ACVR1: variants seen among roughly 807,000 people sequenced by gnomAD.
ACVR1 encodes activin receptor type-1.
In ACVR1, 38 loss-of-function variants were observed where a neutral mutation model predicts 57.1. That is an observed-to-expected ratio of 0.67 (90% CI 0.51 to 0.87). ACVR1 has a LOEUF of 0.87. Ranked by LOEUF, ACVR1 falls within the 40% of genes least tolerant of loss-of-function variation. The pLI is 0.00. For missense variants in ACVR1, 463 were observed against 638.2 expected, an observed-to-expected ratio of 0.73 and a Z score of 2.96; for synonymous variants, 212 against 228.1, an observed-to-expected ratio of 0.93 and a Z score of 0.63.
rs564089291 is a variant in ACVR1 at position 157,850,786 on chromosome 2, G to A, written c.-183+25010C>T. On this transcript the variant is annotated intron_variant, in intron 1 of 10. Transcript: ENST00000434821. ...AGCCTGGCCAACACGGTGAAACCCC[G>A]TCTCTACTAAAAATACAAAAGTTAG... Among the ~76,000 whole-genome samples, 19 of 152,034 alleles carry A rather than the reference G, an allele frequency of 1.2e-4. 1 individual carries two copies. Among genetic ancestry groups the A allele is most frequent in the Admixed American group, 4.6e-4 (7 of 15,288 alleles).
At chr2:157,741,547 C>T (rs1394202350) in intron 9 of ACVR1, among the ~76,000 whole-genome samples, 1 of 151,572 alleles carries the variant, frequency 6.6e-6, no homozygotes, top group Non-Finnish European at 1.5e-5. Context: ...ATCGCCTGAA[C>T]CCAGGAGGCG....
At chr2:157,830,029 GC>G (rs766136461) in intron 1 of ACVR1, among the ~76,000 whole-genome samples, 2 of 152,146 alleles carry the variant, frequency 1.3e-5, no homozygotes, top group East Asian at 1.9e-4. Context: ...GACCAGCCTG[GC>G]CAACATGGTG....
At chr2:157,753,072 CTAACACA>C (rs1371306135) in intron 9 of ACVR1, among the ~76,000 whole-genome samples, 1 of 152,164 alleles carries the variant, frequency 6.6e-6, no homozygotes, top group Non-Finnish European at 1.5e-5. Context: ...AGAGACTCAC[CTAACACA>C]TAAGGACTCA....
At chr2:157,813,465 T>C (rs1384606519) in intron 2 of ACVR1, among the ~76,000 whole-genome samples, 2 of 152,236 alleles carry the variant, frequency 1.3e-5, no homozygotes, top group African/African-American at 4.8e-5. Context: ...CTTTTCAGTC[T>C]GCATTGCGGC....
At chr2:157,842,965 C>T (rs368660949) in intron 1 of ACVR1, among the ~76,000 whole-genome samples, 1 of 152,118 alleles carries the variant, frequency 6.6e-6, no homozygotes, top group Admixed American at 6.5e-5. Context: ...CCATGTGATA[C>T]AGAATAAACC....
At chr2:157,788,803 G>A (rs1316024934) in intron 3 of ACVR1, among the ~76,000 whole-genome samples, 3 of 151,600 alleles carry the variant, frequency 2.0e-5, no homozygotes, top group African/African-American at 7.3e-5. Context: ...TAAAATAACA[G>A]TCAAAAGGGT....
At chr2:157,775,148 T>C (rs988005994) in intron 5 of ACVR1, among the ~76,000 whole-genome samples, 1 of 152,196 alleles carries the variant, frequency 6.6e-6, no homozygotes, top group African/African-American at 2.4e-5. Context: ...TTTAGGCAGG[T>C]GAGGAGCAAA....
intron 1 of ACVR1, among the ~76,000 whole-genome samples, chr2:157,820,890 A>T (rs1184407988): frequency 1.3e-5 from 2 of 152,200 alleles, no homozygotes; most frequent in African/African-American, 4.8e-5. Context: ...CTTAGCATAT[A>T]CTTGGTACTC....
rs1345321609 is a variant in ACVR1, at chr2:157,876,249, C to A, written c.-636G>T. 2.8e-5 allele frequency among the ~76,000 whole-genome samples: 4 copies of A among 145,418 alleles called. No individual in the cohort carries two copies. The highest frequency in any genetic ancestry group is 2.7e-4 in the Admixed American group (4 of 14,782). The stretch of plus-strand genomic sequence containing the variant: ...CAGCTGGGCTTGCCCCCGGGGGCGG[C>A]GGGGGAGACCGTCACAGAGAGTAGA... On this transcript the variant is annotated 5_prime_UTR_variant, in exon 1 of 11. Transcript: ENST00000434821.
intron 1 of ACVR1, among the ~76,000 whole-genome samples, chr2:157,869,523 A>G (rs1488844253): frequency 6.6e-6 from 1 of 152,250 alleles, no homozygotes; most frequent in African/African-American, 2.4e-5. Context: ...AAAAAGCATT[A>G]TAATATTTTT....
intron 1 of ACVR1, among the ~76,000 whole-genome samples, chr2:157,845,528 T>C (rs527478848): frequency 6.6e-6 from 1 of 152,064 alleles, no homozygotes; most frequent in East Asian, 1.9e-4. Context: ...AGCATAACTC[T>C]ACTGGCACCC....
chr2:157,869,876 C>A (rs1690059349), intron 1 of ACVR1, among the ~76,000 whole-genome samples: 1 of 152,228 alleles, frequency 6.6e-6, no homozygotes, highest in Non-Finnish European at 1.5e-5. Flanking sequence ...ACCACCTACA[C>A]TTTCACTCCT....
intron 1 of ACVR1, among the ~76,000 whole-genome samples, chr2:157,847,041 GAAGA>G (rs1042237455): frequency 6.6e-6 from 1 of 152,156 alleles, no homozygotes; most frequent in African/African-American, 2.4e-5. Flanking sequence ...AAGGAAACCA[GAAGA>G]AATAAGCTAA....
At chr2:157,817,498 C>T (rs1687981560) in intron 2 of ACVR1, among the ~76,000 whole-genome samples, 1 of 152,146 alleles carries the variant, frequency 6.6e-6, no homozygotes, top group South Asian at 2.1e-4. Context: ...GAATGTACAA[C>T]ACCAAGACTG....
intron 1 of ACVR1, 32 bp downstream of exon 1, chr2:157,875,764 T>A (rs1690266944): frequency 6.6e-6 from 1 of 151,890 alleles, no homozygotes; most frequent in African/African-American, 2.4e-5. Flanking sequence ...TCCTCCCGGC[T>A]CCAGCAGGCG....
intron 1 of ACVR1, among the ~76,000 whole-genome samples, chr2:157,855,227 G>A (rs1689468077): frequency 6.8e-6 from 1 of 147,476 alleles, no homozygotes; most frequent in Non-Finnish European, 1.5e-5. Flanking sequence ...GACCAGCCTG[G>A]GCAACATGGT....
At chr2:157,855,306 G>GACA (rs1689481249) in intron 1 of ACVR1, among the ~76,000 whole-genome samples, 1 of 53,138 alleles carries the variant, frequency 1.9e-5, no homozygotes, top group African/African-American at 6.6e-5. Flanking sequence ...GTGTGTGTGT[G>GACA]TGTATATATA....
chr2:157,785,364 T>C (rs554786889), intron 3 of ACVR1, among the ~76,000 whole-genome samples: 12 of 152,228 alleles, frequency 7.9e-5, no homozygotes, highest in Non-Finnish European at 1.5e-4. Context: ...TTATAGATTA[T>C]AGGAGTCCTT....
intron 1 of ACVR1, among the ~76,000 whole-genome samples, chr2:157,831,278 A>G (rs1253596971): frequency 2.0e-5 from 3 of 152,232 alleles, no homozygotes; most frequent in African/African-American, 4.8e-5. Context: ...ATGTTAAAGA[A>G]AAGAGTAGGA....
Sources: gnomAD v4.1 joint callset for allele counts (sites outside exome capture counted in the v4.1 genomes callset) on GRCh38, gnomAD v4.1.1 for gene constraint, MANE v1.5 for transcripts, NCBI Gene and HGNC (gene_info 2026-07-23, HGNC 2026-07-21) for gene names.